The following STAG3 variants were observed in gnomAD, a reference collection of about 807,000 sequenced individuals.
STAG3 encodes STAG3 cohesin complex component.
Under a neutral mutation model 160.7 loss-of-function variants are expected in STAG3, and 101 were observed. That is an observed-to-expected ratio of 0.63 (90% confidence interval 0.54 to 0.74). STAG3 has a LOEUF of 0.74. Ranked by LOEUF, STAG3 falls within the 30% of genes least tolerant of loss-of-function variation. STAG3 has a pLI of 0.00. For missense variants in STAG3, 1,188 were observed against 1,517.4 expected (o/e 0.78, Z 3.61); for synonymous variants, 519 against 585.0 (o/e 0.89, Z 1.63).
intron 8 of STAG3, among the ~76,000 whole-genome samples, chr7:100,194,307 T>G (rs1185027954): frequency 6.6e-6 from 1 of 152,250 alleles, no homozygotes. Context: ...TCCTTTCATT[T>G]GGACACTTAA....
At chr7:100,202,400 T>C in intron 24 of STAG3, 54 bp from the exon 25 acceptor site, 2 of 1,609,480 alleles carry the variant, frequency 1.2e-6, no homozygotes, top group South Asian at 1.1e-5. Flanking sequence ...AGCTCAGAAA[T>C]ATAGGGCAGG....
downstream of STAG3, chr7:100,218,469 T>C (rs563432238): frequency 4.4e-6 from 1 of 228,742 alleles, no homozygotes; most frequent in South Asian, 5.6e-5. Flanking sequence ...CTGCTGGGCA[T>C]TGTCTGTTAA....
chr7:100,213,394 G>C, intron 32 of STAG3: 3 of 985,406 alleles, frequency 3.0e-6, no homozygotes, highest in Non-Finnish European at 3.6e-6. Context: ...CAGAACAGGG[G>C]AGTCTTGTGC....
chr7:100,196,163 A>C (rs1381600373), intron 9 of STAG3, among the ~76,000 whole-genome samples: 2 of 152,004 alleles, frequency 1.3e-5, no homozygotes, highest in Non-Finnish European at 2.9e-5. Flanking sequence ...AAAATTGTAG[A>C]TGTTTCTCAC....
At chr7:100,193,290 A>G (rs566242031) in intron 8 of STAG3, among the ~76,000 whole-genome samples, 249 of 152,332 alleles carry the variant, frequency 1.6e-3, no homozygotes, top group African/African-American at 5.6e-3. Flanking sequence ...TAGGATTTTT[A>G]AAATGGTAAA....
At chr7:100,205,882 T>C (rs1801605604) in intron 29 of STAG3, among the ~76,000 whole-genome samples, 1 of 152,050 alleles carries the variant, frequency 6.6e-6, no homozygotes, top group Non-Finnish European at 1.5e-5. Context: ...CTAAGAAATC[T>C]ATACATTCAG....
chr7:100,183,800 A>G (rs936035957), intron 4 of STAG3, among the ~76,000 whole-genome samples: 8 of 152,264 alleles, frequency 5.3e-5, no homozygotes, highest in African/African-American at 1.7e-4. Flanking sequence ...TCAGGCTTCT[A>G]TGATTTAATT....
downstream of STAG3, among the ~76,000 whole-genome samples, chr7:100,217,133 G>C (rs1387381041): frequency 6.6e-6 from 1 of 152,200 alleles, no homozygotes; most frequent in Non-Finnish European, 1.5e-5. Flanking sequence ...ACTTGATCTT[G>C]GCCAAAAGGC....
rs774481142 is a variant in STAG3 at position 100,211,784 on chromosome 7, C to G, written c.3519-11C>G. The G allele has an allele frequency of 9.9e-6, 16 of 1,613,474 alleles. No homozygotes were observed. The highest frequency in any genetic ancestry group is 3.3e-5 in the Admixed American group (2 of 59,914). Reference sequence around the variant, plus strand: ...CAGTTTGAAAAGCCAGTCTCTTTGCCCCTACATCAGACTCAGCCTTATGGA... The same window carrying G: ...CAGTTTGAAAAGCCAGTCTCTTTGCGCCTACATCAGACTCAGCCTTATGGA... On this transcript the variant is annotated splice_polypyrimidine_tract_variant and intron_variant, in intron 31 of 33. Transcript: ENST00000615138.
intron 29 of STAG3, among the ~76,000 whole-genome samples, chr7:100,208,226 C>T (rs1312726097): frequency 1.3e-5 from 2 of 152,088 alleles, no homozygotes; most frequent in Non-Finnish European, 2.9e-5. Context: ...TTGTTGTCTT[C>T]TGTGTACCAC....
chr7:100,201,393 A>G (rs1801119359), intron 21 of STAG3, 42 bp downstream of exon 21: 3 of 1,572,550 alleles, frequency 1.9e-6, no homozygotes, highest in Non-Finnish European at 2.6e-6. Flanking sequence ...CTGGGGGGCT[A>G]GATTTTAAGG....
At chr7:100,201,741 C>T in intron 21 of STAG3, 45 bp from the exon 22 acceptor site, 1 of 1,561,768 alleles carries the variant, frequency 6.4e-7, no homozygotes, top group Non-Finnish European at 8.8e-7. Flanking sequence ...CTGTCTCTCC[C>T]TCTCCTAACC....
rs1050303678 is a variant in STAG3 at position 100,207,429 on chromosome 7, G to C, written c.3238+2045G>C. On this transcript the variant is annotated intron_variant, in intron 29 of 33. Coordinates refer to ENST00000615138, the MANE Select transcript of STAG3 (RefSeq NM_001282717.2). This position sits in a 1 kb window ranked among gnomAD's most constrained non-coding sequence, Gnocchi z 4.0. ...CCATCTCCTAGTAGCTGTGAGGTGTGGTATCTCATTGTGGTTTAAATTTGC... is the reference window on the plus strand; with the variant it reads ...CCATCTCCTAGTAGCTGTGAGGTGTCGTATCTCATTGTGGTTTAAATTTGC... Among the ~76,000 whole-genome samples, 1 of 152,174 alleles carries C rather than the reference G, an allele frequency of 6.6e-6. No individual in the cohort carries two copies. Among genetic ancestry groups the C allele is most frequent in the East Asian group, 1.9e-4 (1 of 5,180 alleles).
At chr7:100,200,594 G>C (rs1801043117) in intron 18 of STAG3, 52 bp downstream of exon 18, 11 of 1,588,478 alleles carry the variant, frequency 6.9e-6, no homozygotes, top group Non-Finnish European at 9.5e-6. Context: ...GGGCCAAAGG[G>C]TTCTATTGCC....
Position 100,197,867 on chromosome 7 carries a change from C to T in STAG3, c.1155C>T (p.Ser385=), listed in dbSNP as rs1800791085. 1 of 1,613,682 alleles carries T rather than the reference C, an allele frequency of 6.2e-7. No homozygotes were observed. The highest frequency in any genetic ancestry group is 8.5e-7 in the Non-Finnish European group (1 of 1,179,804). The change falls in exon 11 of 34, where the codon AGC becomes AGT. Residue 385 remains serine (S), a synonymous_variant. Transcript: ENST00000615138. ...DLTTRLELFT[S]RFKDRMVSMV... ...CCACACGCCTGGAGCTCTTCACCAGCCGCTTCAAGGTAAAATGGGTGGTGC... is the reference window on the plus strand; with the variant it reads ...CCACACGCCTGGAGCTCTTCACCAGTCGCTTCAAGGTAAAATGGGTGGTGC...
At chr7:100,211,962 C>T (rs922215930) in intron 32 of STAG3, 86 bp downstream of exon 32, 12 of 1,240,958 alleles carry the variant, frequency 9.7e-6, no homozygotes, top group Non-Finnish European at 1.4e-5. Flanking sequence ...TCTCTCCGCT[C>T]GGTGATGCCT....
chr7:100,205,409 G>A, intron 29 of STAG3, 25 bp downstream of exon 29: 2 of 1,572,606 alleles, frequency 1.3e-6, no homozygotes, highest in South Asian at 2.3e-5. Flanking sequence ...GTGGGTATGG[G>A]GGTGCCCAGC....
At chr7:100,214,862 CCTTCACT>C (rs1284681228), downstream of STAG3, 2 of 152,104 alleles carry the variant, frequency 1.3e-5, no homozygotes, top group African/African-American at 4.8e-5. Context: ...GACAATGTCA[CCTTCACT>C]CTTGCCTTCT....
chr7:100,188,788 T>C (rs1487413296), intron 6 of STAG3, 24 bp from the exon 7 acceptor site: 1 of 1,613,092 alleles, frequency 6.2e-7, no homozygotes, highest in Non-Finnish European at 8.5e-7. Context: ...AACTTTCCCA[T>C]CCTTTTCATA....
Sources: gnomAD v4.1 joint callset for allele counts (sites outside exome capture counted in the v4.1 genomes callset) on GRCh38, gnomAD v4.1.1 for gene constraint, Gnocchi (gnomAD v3.1) non-coding constraint, MANE v1.5 for transcripts, NCBI Gene and HGNC (gene_info 2026-07-23, HGNC 2026-07-21) for gene names.